HOMER1: variants seen among roughly 807,000 people sequenced by gnomAD.
The protein encoded by HOMER1 is homer scaffold protein 1.
Under a neutral mutation model 48.9 loss-of-function variants are expected in HOMER1, and 3 were observed. That is an observed-to-expected ratio of 0.06 (90% CI 0.03 to 0.16). HOMER1 has a LOEUF of 0.16. Ranked by LOEUF, HOMER1 falls within the 10% of genes least tolerant of loss-of-function variation. HOMER1 has a pLI of 1.00. For missense variants in HOMER1, 247 were observed against 411.4 expected (o/e 0.60, Z 3.46); for synonymous variants, 134 against 146.4 (o/e 0.92, Z 0.61).
chr5:79,439,869 T>C (rs192121028), intron 4 of HOMER1, among the ~76,000 whole-genome samples: 411 of 152,266 alleles, frequency 2.7e-3, no homozygotes, highest in Non-Finnish European at 3.2e-3. Context: ...TTTAAATAAA[T>C]TGAATTTAAA....
chr5:79,410,629 C>A (rs1216410584), intron 5 of HOMER1, among the ~76,000 whole-genome samples: 1 of 151,780 alleles, frequency 6.6e-6, no homozygotes, highest in Non-Finnish European at 1.5e-5. Flanking sequence ...TATTAGAATA[C>A]CCTACACAAC....
At chr5:79,428,385 T>C (rs1251385067) in intron 5 of HOMER1, among the ~76,000 whole-genome samples, 1 of 152,108 alleles carries the variant, frequency 6.6e-6, no homozygotes, top group Non-Finnish European at 1.5e-5. Flanking sequence ...AGGAACAAGA[T>C]TAAGAAGATG....
chr5:79,469,955 A>G (rs1751574248), intron 1 of HOMER1, among the ~76,000 whole-genome samples: 2 of 152,246 alleles, frequency 1.3e-5, no homozygotes, highest in Admixed American at 6.5e-5. Flanking sequence ...GTGTTAATAC[A>G]ACCCAGTCAC....
intron 5 of HOMER1, among the ~76,000 whole-genome samples, chr5:79,421,285 C>T (rs1166046352): frequency 1.3e-5 from 2 of 152,110 alleles, no homozygotes; most frequent in Admixed American, 6.5e-5. Context: ...CATTCAAATC[C>T]GAAAACTTGT....
chr5:79,428,410 T>C (rs1293839390), intron 5 of HOMER1, among the ~76,000 whole-genome samples: 1 of 152,128 alleles, frequency 6.6e-6, no homozygotes, highest in Non-Finnish European at 1.5e-5. Context: ...CTCCTGTCAC[T>C]TCTATTCAAC....
intron 4 of HOMER1, among the ~76,000 whole-genome samples, chr5:79,443,109 A>G (rs1750780376): frequency 6.6e-6 from 1 of 152,200 alleles, no homozygotes; most frequent in African/African-American, 2.4e-5. Flanking sequence ...AGTCAGCTGT[A>G]TGTGTCCCAA....
At chr5:79,401,642 T>A (rs1027525941) in intron 6 of HOMER1, among the ~76,000 whole-genome samples, 45 of 152,226 alleles carry the variant, frequency 3.0e-4, no homozygotes, top group Non-Finnish European at 3.8e-4. Flanking sequence ...TATGTACTTG[T>A]GCATTACTGC....
chr5:79,416,916 T>C (rs1395553640), intron 5 of HOMER1, among the ~76,000 whole-genome samples: 1 of 152,180 alleles, frequency 6.6e-6, no homozygotes, highest in Non-Finnish European at 1.5e-5. Flanking sequence ...CTTACAGGTG[T>C]TTTAAATACT....
chr5:79,439,575 GAGA>G (rs1350230501), intron 4 of HOMER1, among the ~76,000 whole-genome samples: 2 of 152,224 alleles, frequency 1.3e-5, no homozygotes, highest in African/African-American at 2.4e-5. Context: ...AGGGGTACAG[GAGA>G]AGAAGTGGAT....
intron 6 of HOMER1, among the ~76,000 whole-genome samples, chr5:79,399,610 C>T (rs1749482413): frequency 6.6e-6 from 1 of 152,132 alleles, no homozygotes; most frequent in African/African-American, 2.4e-5. Context: ...AGCATAAGTA[C>T]ACAACTCCAC....
At chr5:79,459,605 G>C (rs1440318857) in intron 1 of HOMER1, among the ~76,000 whole-genome samples, 1 of 152,158 alleles carries the variant, frequency 6.6e-6, no homozygotes, top group East Asian at 1.9e-4. Flanking sequence ...GGATGTTACT[G>C]CATCTGACAG....
chr5:79,419,739 T>G (rs2112245023), intron 5 of HOMER1, among the ~76,000 whole-genome samples: 1 of 152,262 alleles, frequency 6.6e-6, no homozygotes, highest in South Asian at 2.1e-4. Context: ...AAATGCATTT[T>G]TGTAAAAGTG....
At chr5:79,478,762 A>G (rs904369301) in intron 1 of HOMER1, among the ~76,000 whole-genome samples, 2 of 151,896 alleles carry the variant, frequency 1.3e-5, no homozygotes, top group African/African-American at 4.8e-5. Context: ...GACCAGCCTG[A>G]CCAACATGGT....
rs190428206 is a variant in HOMER1 at position 79,496,827 on chromosome 5, G to A, written c.5+15943C>T. Among the ~76,000 whole-genome samples the A allele has an allele frequency of 2.0e-5, 3 of 152,218 alleles. No homozygotes were observed. The East Asian group carries it at 5.8e-4, about 29-fold the overall frequency. ...TGCCTGTAATTCCAGCTCTTTGGGA[G>A]GCCGAGGTGGGTGGATCACTTGAGG... On this transcript the variant is annotated intron_variant, in intron 1 of 8. Transcript: ENST00000334082.
intron 2 of HOMER1, among the ~76,000 whole-genome samples, chr5:79,453,942 T>C (rs767251626): frequency 1.3e-5 from 2 of 152,152 alleles, no homozygotes; most frequent in African/African-American, 2.4e-5. Context: ...CAGCAGTTAA[T>C]AGCATCAGTT....
At chr5:79,436,204 TG>T (rs1340995145) in intron 5 of HOMER1, among the ~76,000 whole-genome samples, 1 of 152,092 alleles carries the variant, frequency 6.6e-6, no homozygotes, top group Non-Finnish European at 1.5e-5. Flanking sequence ...TCCTTTGTGA[TG>T]GGAAAAAATA....
In HOMER1 at chr5:79,396,875, T is replaced by C. The variant is rs770965603; in HGVS notation, c.824A>G (p.Asp275Gly). The change falls in exon 8 of 9, where the codon GAT becomes GGT. Residue 275 changes from aspartate (D) to glycine (G), a missense_variant. By Grantham distance (94) the Asp-to-Gly change is moderately conservative (BLOSUM62 -1). Transcript: ENST00000334082. ...CTGTTCTTGTAGTTCTCTGGCATTA[T>C]CAATTTCTTGTTTTAACCTTTCTAT... ...EEIERLKQEI[D>G]NARELQEQRD... 3 of 1,602,344 alleles carry C rather than the reference T, an allele frequency of 1.9e-6. No homozygotes were observed. Among genetic ancestry groups the C allele is most frequent in the Admixed American group, 1.7e-5 (1 of 59,724 alleles).
At chr5:79,501,982 G>A (rs953368166) in intron 1 of HOMER1, among the ~76,000 whole-genome samples, 3 of 150,646 alleles carry the variant, frequency 2.0e-5, no homozygotes, top group Admixed American at 6.6e-5. Context: ...ACAAATATAT[G>A]TAAGTATCTA....
intron 1 of HOMER1, among the ~76,000 whole-genome samples, chr5:79,460,074 T>G (rs1186317577): frequency 6.6e-6 from 1 of 152,176 alleles, no homozygotes; most frequent in African/African-American, 2.4e-5. Flanking sequence ...AGGCTGGTCT[T>G]GAAGTCTTGG....
Sources: allele counts gnomAD v4.1 joint callset (sites outside exome capture counted in the v4.1 genomes callset), GRCh38; gene constraint gnomAD v4.1.1; transcripts MANE v1.5; gene names NCBI Gene and HGNC (gene_info 2026-07-23, HGNC 2026-07-21).